Variants in FLNB observed in about 807,000 individuals in gnomAD.
The protein encoded by FLNB is filamin-B.
Under a neutral mutation model 250.6 loss-of-function variants are expected in FLNB, and 111 were observed. That is an observed-to-expected ratio of 0.44 (90% CI 0.38 to 0.52). FLNB has a LOEUF of 0.52. Ranked by LOEUF, FLNB falls within the 20% of genes least tolerant of loss-of-function variation. The pLI is 0.00. For missense variants in FLNB, 2,869 were observed against 3,447.8 expected, an observed-to-expected ratio of 0.83 and a Z score of 4.20; for synonymous variants, 1,302 against 1,372.1, an observed-to-expected ratio of 0.95 and a Z score of 1.13.
chr3:58,106,017 A>G (rs1272332410), intron 11 of FLNB, among the ~76,000 whole-genome samples: 1 of 152,116 alleles, frequency 6.6e-6, no homozygotes, highest in Non-Finnish European at 1.5e-5. Flanking sequence ...GCAAATATTG[A>G]TTTGGTACAG....
chr3:58,070,893 G>T (rs2097193428), intron 1 of FLNB, among the ~76,000 whole-genome samples: 1 of 151,018 alleles, frequency 6.6e-6, no homozygotes, highest in Non-Finnish European at 1.5e-5. Context: ...CTCGTGATCT[G>T]CCCTCCTTGG....
intron 4 of FLNB, among the ~76,000 whole-genome samples, chr3:58,093,488 T>G (rs1344432198): frequency 6.6e-6 from 1 of 152,178 alleles, no homozygotes; most frequent in Non-Finnish European, 1.5e-5. Context: ...AGCCACATCT[T>G]GAAAGCTATC....
intron 1 of FLNB, among the ~76,000 whole-genome samples, chr3:58,046,354 T>G (rs2097154155): frequency 6.6e-6 from 1 of 152,206 alleles, no homozygotes; most frequent in Non-Finnish European, 1.5e-5. Context: ...CCAGCTTTAC[T>G]GAGATATAAC....
intron 1 of FLNB, among the ~76,000 whole-genome samples, chr3:58,012,743 AGATTTCCTACTACCCAATGGAT>A (rs2097100839): frequency 6.6e-6 from 1 of 152,194 alleles, no homozygotes; most frequent in Non-Finnish European, 1.5e-5. Flanking sequence ...TGGTTGGTTG[AGATTTCCTACTACCCAATGGAT>A]GATGTTTTAT....
In FLNB at chr3:58,169,853, T is replaced by A; in HGVS notation, c.7621+60T>A. 1 of 1,417,766 alleles carries A rather than the reference T, an allele frequency of 7.1e-7. No individual in the cohort carries two copies. The highest frequency in any genetic ancestry group is 9.9e-7 in the Non-Finnish European group (1 of 1,015,078). The allele number at this position is 1,417,766 out of a possible 1,614,324, so 87.8% of individuals were successfully genotyped here. A position where few individuals can be genotyped will look rare whatever the true frequency, so the allele number is the denominator to read the frequency against. ...GCAGGGGCAGGCTGGGCACCCTGGG[T>A]ACACTGGCCTTCCCTGCTGAGGTCT... On this transcript the variant is annotated intron_variant, in intron 45 of 45. Transcript: ENST00000295956. The surrounding 1 kb of genome is among the most constrained non-coding windows in gnomAD (Gnocchi z 4.8).
At chr3:58,133,344 C>T (rs1029915316) in intron 26 of FLNB, among the ~76,000 whole-genome samples, 1 of 148,152 alleles carries the variant, frequency 6.7e-6, no homozygotes, top group East Asian at 2.1e-4. Flanking sequence ...CGCCTGTAAT[C>T]CCAGCTACTT....
chr3:58,141,856 A>G lies in FLNB; in HGVS notation c.5110-2A>G, dbSNP rs748756705. ...AACTAATCTCCATTTGCCACTGACC[A>G]GGCCACAGATGGGGAAGTCACAGCC... On this transcript the variant is annotated splice_acceptor_variant, in intron 29 of 45. Coordinates refer to ENST00000295956, the MANE Select transcript of FLNB (RefSeq NM_001457.4). LOFTEE classifies it high-confidence loss of function. 1 of 1,614,066 alleles carries G rather than the reference A, an allele frequency of 6.2e-7. No homozygotes were observed. The highest frequency in any genetic ancestry group is 8.5e-7 in the Non-Finnish European group (1 of 1,179,890).
intron 12 of FLNB, among the ~76,000 whole-genome samples, chr3:58,108,086 C>T (rs2097262595): frequency 1.3e-5 from 2 of 150,660 alleles, no homozygotes; most frequent in Admixed American, 6.6e-5. Flanking sequence ...TTGGGCCACA[C>T]ATAAAATACT....
At chr3:58,060,741 G>A (rs2097176902) in intron 1 of FLNB, among the ~76,000 whole-genome samples, 1 of 125,344 alleles carries the variant, frequency 8.0e-6, no homozygotes, top group Non-Finnish European at 1.6e-5. Context: ...CTTGAGGCCA[G>A]CCTGGGCAAC....
chr3:58,123,454 C>T lies in FLNB; in HGVS notation c.3488C>T (p.Pro1163Leu), dbSNP rs1163015683. 17 of 1,609,178 alleles carry T rather than the reference C, an allele frequency of 1.1e-5. No homozygotes were observed. The highest frequency in any genetic ancestry group is 1.7e-5 in the Admixed American group (1 of 59,758). ...AGCGTCGACTGCTCGGAAGCGGGAC[C>T]GGGGGCCCTGGGCCTGGAAGCTGTC... ...LLSVDCSEAG[P>L]GALGLEAVSD... The change falls in exon 21 of 46, where the codon CCG (proline) becomes CTG (leucine). Residue 1163 changes from proline (P) to leucine (L), a missense_variant. Pro to Leu is a moderately conservative substitution (Grantham distance 98). This residue lies in a region of FLNB where 1,348 missense variants were observed against 1,466.7 expected (regional missense o/e 0.92). Transcript: ENST00000295956.
At chr3:58,153,986 T>C (rs2097349395) in intron 39 of FLNB, among the ~76,000 whole-genome samples, 1 of 152,222 alleles carries the variant, frequency 6.6e-6, no homozygotes, top group Admixed American at 6.5e-5. Flanking sequence ...CAAAACTGAC[T>C]GTAAGCATCC....
chr3:58,143,689 G>T (rs143171743), intron 32 of FLNB, 76 bp downstream of exon 32: 3 of 1,565,902 alleles, frequency 1.9e-6, no homozygotes, highest in Non-Finnish European at 2.6e-6. Flanking sequence ...CTCCTCAGCC[G>T]CTTTGCAGGG....
At chr3:58,105,911 A>G (rs2097258766) in intron 11 of FLNB, among the ~76,000 whole-genome samples, 1 of 152,220 alleles carries the variant, frequency 6.6e-6, no homozygotes, top group Non-Finnish European at 1.5e-5. Flanking sequence ...TTTCCCTTCT[A>G]GAGAGATGAT....
chr3:58,100,594 T>C (rs1328579559), intron 8 of FLNB, among the ~76,000 whole-genome samples: 4 of 138,154 alleles, frequency 2.9e-5, no homozygotes, highest in Non-Finnish European at 4.6e-5. Context: ...TTTTTCTTTT[T>C]TTTTTTGTTT....
chr3:58,094,987 C>T, intron 5 of FLNB, 33 bp downstream of exon 5: 4 of 1,512,656 alleles, frequency 2.6e-6, no homozygotes, highest in Middle Eastern at 1.7e-4. Flanking sequence ...TCCTTTCCAG[C>T]ACCTCATGGA....
At position 58,142,400 on chromosome 3, in the gene FLNB, G is replaced by T. The variant is rs2097328603; in HGVS notation, c.5182-250G>T. ...CTCTCACTTTTCCACTTTCCCGTGG[G>T]TGCTGCTGGGAATTTTACAAACAGA... On this transcript the variant is annotated intron_variant, in intron 30 of 45. Transcript: ENST00000295956. This position sits in a 1 kb window ranked among gnomAD's most constrained non-coding sequence, Gnocchi z 4.3. 6.6e-6 allele frequency among the ~76,000 whole-genome samples: 1 copy of T among 152,166 alleles called. No individual in the cohort carries two copies. Among genetic ancestry groups the T allele is most frequent in the African/African-American group, 2.4e-5 (1 of 41,436 alleles).
chr3:58,134,055 A>G (rs758444963), intron 26 of FLNB, among the ~76,000 whole-genome samples: 1 of 152,174 alleles, frequency 6.6e-6, no homozygotes, highest in Non-Finnish European at 1.5e-5. Context: ...TTCCTCCCCA[A>G]ACTACTTGTA....
At chr3:58,134,394 G>A (rs1055696468) in intron 26 of FLNB, among the ~76,000 whole-genome samples, 1 of 152,142 alleles carries the variant, frequency 6.6e-6, no homozygotes, top group African/African-American at 2.4e-5. Context: ...GTTGGGGACC[G>A]CTGCCTTGGA....
rs778285805 is a variant in FLNB, at chr3:58,141,913, CT to C, written c.5166del (p.Gly1723AspfsTer6). 2.5e-6 allele frequency: 4 copies of C among 1,614,158 alleles called. No individual in the cohort carries two copies. ...GAGGCACCGGTAAATGCATGTCCCC[CT>C]GGATTCAGGCCCTGGGTACAATTTT... Reference protein sequence around the residue: ...VEEAPVNACPPGFRPWVTEEA... With the variant: ...VEEAPVNACPXGFRPWVTEEA... On this transcript the variant is annotated frameshift_variant, in exon 30 of 46. Transcript: ENST00000295956. LOFTEE classifies it high-confidence loss of function.
Sources: gnomAD v4.1 joint callset for allele counts (sites outside exome capture counted in the v4.1 genomes callset) on GRCh38, gnomAD v4.1.1 for gene constraint, gnomAD v4.1.1 regional missense constraint, Gnocchi (gnomAD v3.1) non-coding constraint, MANE v1.5 for transcripts, NCBI Gene and HGNC (gene_info 2026-07-23, HGNC 2026-07-21) for gene names.